PRKCE: variants seen among roughly 807,000 people sequenced by gnomAD.
PRKCE encodes protein kinase C epsilon, also known as protein kinase C epsilon type.
Under a neutral mutation model 85.4 loss-of-function variants are expected in PRKCE, and 16 were observed. The ratio of observed to expected loss-of-function variants is 0.19; its 90% CI spans 0.13 to 0.28. The LOEUF is 0.28. Among genes scored for constraint, PRKCE ranks in the 10% least tolerant of loss-of-function variants. The probability of loss-of-function intolerance (pLI) is 1.00; values close to 1 mark genes in which losing one functional copy is unlikely to be tolerated. For missense variants in PRKCE, 573 were observed against 975.2 expected (o/e 0.59, Z 5.49); for synonymous variants, 388 against 371.5 (o/e 1.04, Z -0.51).
At chr2:46,050,153 G>A (rs1304427541) in intron 10 of PRKCE, among the ~76,000 whole-genome samples, 2 of 152,240 alleles carry the variant, frequency 1.3e-5, no homozygotes, top group East Asian at 3.8e-4. Flanking sequence ...CCAGATCTCT[G>A]AAGTCATTTC....
At chr2:46,011,064 C>A (rs1705630589) in intron 10 of PRKCE, 2 of 660,894 alleles carry the variant, frequency 3.0e-6, no homozygotes, top group African/African-American at 1.8e-5. Context: ...CAAAGATAAT[C>A]CATAACTCCA....
chr2:45,781,159 C>G (rs1044033862), intron 1 of PRKCE, among the ~76,000 whole-genome samples: 1 of 150,866 alleles, frequency 6.6e-6, no homozygotes, highest in Non-Finnish European at 1.5e-5. Flanking sequence ...ATACGGAGAC[C>G]CCCCCATCTC....
At chr2:45,928,739 C>T (rs1304687422) in intron 2 of PRKCE, among the ~76,000 whole-genome samples, 1 of 152,198 alleles carries the variant, frequency 6.6e-6, no homozygotes, top group Non-Finnish European at 1.5e-5. Context: ...AGTCCTTCTT[C>T]ATGCTTTTTC....
chr2:45,836,973 G>A (rs561904432), intron 1 of PRKCE, among the ~76,000 whole-genome samples: 3 of 152,328 alleles, frequency 2.0e-5, no homozygotes, highest in East Asian at 1.9e-4. Context: ...GCTGTCCCAA[G>A]GAAAGGTTTG....
chr2:46,087,561 A>T (rs2103919615), intron 11 of PRKCE, among the ~76,000 whole-genome samples: 1 of 152,348 alleles, frequency 6.6e-6, no homozygotes, highest in South Asian at 2.1e-4. Context: ...GAGCCCATAT[A>T]ATAAAGTCCA....
intron 2 of PRKCE, among the ~76,000 whole-genome samples, chr2:45,884,369 G>A (rs1695088852): frequency 6.6e-6 from 1 of 152,192 alleles, no homozygotes. Context: ...GAAGTGACCT[G>A]TCCAGGGTTC....
intron 11 of PRKCE, among the ~76,000 whole-genome samples, chr2:46,118,275 C>T (rs1672969235): frequency 6.6e-6 from 1 of 152,198 alleles, no homozygotes; most frequent in African/African-American, 2.4e-5. Flanking sequence ...TGAAATTCTA[C>T]ACTCAGAAGA....
chr2:45,844,035 A>T (rs1210784943), intron 2 of PRKCE, among the ~76,000 whole-genome samples: 2 of 152,162 alleles, frequency 1.3e-5, no homozygotes, highest in African/African-American at 4.8e-5. Flanking sequence ...AATACTGGGG[A>T]TCACAAGCTC....
intron 10 of PRKCE, among the ~76,000 whole-genome samples, chr2:46,024,161 T>C (rs1706910771): frequency 6.6e-6 from 1 of 152,164 alleles, no homozygotes; most frequent in Non-Finnish European, 1.5e-5. Context: ...AATTGGTTGA[T>C]TTATACTGGG....
intron 1 of PRKCE, among the ~76,000 whole-genome samples, chr2:45,721,106 CA>C (rs1313992186): frequency 6.6e-6 from 1 of 152,034 alleles, no homozygotes; most frequent in Non-Finnish European, 1.5e-5. Context: ...GACTCCATCT[CA>C]AAAAACAAAA....
intron 10 of PRKCE, among the ~76,000 whole-genome samples, chr2:46,070,404 G>A (rs1667977324): frequency 6.6e-6 from 1 of 152,236 alleles, no homozygotes; most frequent in Non-Finnish European, 1.5e-5. Flanking sequence ...AGCACTTGTG[G>A]AGGCCAAGGA....
intron 11 of PRKCE, among the ~76,000 whole-genome samples, chr2:46,120,458 G>A (rs1673197267): frequency 6.6e-6 from 1 of 152,164 alleles, no homozygotes; most frequent in Non-Finnish European, 1.5e-5. Flanking sequence ...TGCCCAGGCT[G>A]GAAAACCCGC....
chr2:45,874,041 T>C (rs1694289230), intron 2 of PRKCE, among the ~76,000 whole-genome samples: 1 of 152,226 alleles, frequency 6.6e-6, no homozygotes, highest in South Asian at 2.1e-4. Flanking sequence ...CCCCACCTCA[T>C]AGCAATGTGA....
intron 2 of PRKCE, among the ~76,000 whole-genome samples, chr2:45,918,770 A>C (rs1698023201): frequency 1.3e-5 from 2 of 151,654 alleles, no homozygotes; most frequent in South Asian, 4.2e-4. Context: ...GAGGTTGGCG[A>C]GGGGGGGAAT....
At chr2:45,941,761 A>G (rs1167079890) in intron 2 of PRKCE, among the ~76,000 whole-genome samples, 4 of 152,168 alleles carry the variant, frequency 2.6e-5, no homozygotes, top group Non-Finnish European at 5.9e-5. Flanking sequence ...GTTAGGGCCT[A>G]GATAACCTCT....
chr2:46,024,893 A>G (rs941879269), intron 10 of PRKCE, among the ~76,000 whole-genome samples: 2 of 152,204 alleles, frequency 1.3e-5, no homozygotes, highest in Non-Finnish European at 2.9e-5. Context: ...AACACAACCA[A>G]AGGAAACACG....
intron 10 of PRKCE, among the ~76,000 whole-genome samples, chr2:46,066,748 C>T (rs1667657506): frequency 6.6e-6 from 1 of 152,142 alleles, no homozygotes; most frequent in African/African-American, 2.4e-5. Context: ...CTGGGCTTCA[C>T]AGACAGGAGG....
At position 45,848,957 on chromosome 2, in the gene PRKCE, T is replaced by C. The variant is rs1324049995; in HGVS notation, c.412+5894T>C. Among the ~76,000 whole-genome samples the C allele has an allele frequency of 3.3e-5, 5 of 152,128 alleles. No homozygotes were observed. The East Asian group carries it at 7.7e-4, about 24-fold the overall frequency. On this transcript the variant is annotated intron_variant, in intron 2 of 14. Transcript: ENST00000306156. ...TGGCAGGGAAGAAGTGGAGAGACCATTGTGAGTGGAGGGAATCATGTCATC... is the reference window on the plus strand; with the variant it reads ...TGGCAGGGAAGAAGTGGAGAGACCACTGTGAGTGGAGGGAATCATGTCATC...
chr2:46,182,448 A>G (rs951320562), intron 14 of PRKCE, among the ~76,000 whole-genome samples: 2 of 152,034 alleles, frequency 1.3e-5, no homozygotes, highest in African/African-American at 4.8e-5. Flanking sequence ...GCCGGGGGCC[A>G]GCCCTCCTGG....
Sources: allele counts gnomAD v4.1 joint callset (sites outside exome capture counted in the v4.1 genomes callset), GRCh38; gene constraint gnomAD v4.1.1; transcripts MANE v1.5; gene names NCBI Gene and HGNC (gene_info 2026-07-23, HGNC 2026-07-21).